Variants in KAT2B observed in about 807,000 individuals in gnomAD.
KAT2B encodes the protein lysine acetyltransferase 2B, also known as histone acetyltransferase KAT2B.
In KAT2B, 36 loss-of-function variants were observed where a neutral mutation model predicts 105.9. The ratio of observed to expected loss-of-function variants is 0.34; its 90% CI spans 0.26 to 0.45. KAT2B has a LOEUF of 0.45. KAT2B is among the 20% of genes least tolerant of loss of function. The pLI is 1.00. For missense variants in KAT2B, 820 were observed against 1,021.6 expected, an observed-to-expected ratio of 0.80 and a Z score of 2.69; for synonymous variants, 397 against 377.9, an observed-to-expected ratio of 1.05 and a Z score of -0.59.
chr3:20,059,348 AG>A (rs1253333862), intron 1 of KAT2B, among the ~76,000 whole-genome samples: 2 of 131,042 alleles, frequency 1.5e-5, no homozygotes, highest in East Asian at 5.0e-4. Flanking sequence ...TGGGAGGCGG[AG>A]GTTGCAGTGA....
chr3:20,071,429 G>T lies in KAT2B; in HGVS notation c.304-904G>T, dbSNP rs925333268. Among the ~76,000 whole-genome samples the T allele has an allele frequency of 3.9e-5, 6 of 152,300 alleles. No individual in the cohort carries two copies. The South Asian group carries it at 6.2e-4, about 16-fold the overall frequency. ...CAGAGTGCTAAGAATAGTAGAGAAGGGGCAGAAGAATTATTTTTATAAGTG... is the reference window on the plus strand; with the variant it reads ...CAGAGTGCTAAGAATAGTAGAGAAGTGGCAGAAGAATTATTTTTATAAGTG... On this transcript the variant is annotated intron_variant, in intron 1 of 17. Transcript: ENST00000263754.
At chr3:20,134,661 C>T (rs987471153) in intron 11 of KAT2B, among the ~76,000 whole-genome samples, 3 of 152,182 alleles carry the variant, frequency 2.0e-5, no homozygotes, top group Admixed American at 6.5e-5. Flanking sequence ...CCCACCTCAG[C>T]CTCCCAAAGT....
intron 1 of KAT2B, among the ~76,000 whole-genome samples, chr3:20,062,359 A>T (rs1296717969): frequency 8.6e-6 from 1 of 116,164 alleles, no homozygotes; most frequent in Non-Finnish European, 1.7e-5. Context: ...AATATATTTT[A>T]TATATAATTT....
At chr3:20,047,350 G>A (rs551744674) in intron 1 of KAT2B, among the ~76,000 whole-genome samples, 1 of 152,256 alleles carries the variant, frequency 6.6e-6, no homozygotes, top group East Asian at 1.9e-4. Flanking sequence ...GGGATTACAG[G>A]CATGAACCAC....
chr3:20,070,539 C>T (rs1490066754), intron 1 of KAT2B, among the ~76,000 whole-genome samples: 5 of 150,542 alleles, frequency 3.3e-5, no homozygotes, highest in African/African-American at 4.9e-5. Flanking sequence ...CTCCTGACCT[C>T]GTGATCCGCC....
At chr3:20,086,855 C>T (rs1176829399) in intron 2 of KAT2B, among the ~76,000 whole-genome samples, 1 of 75,638 alleles carries the variant, frequency 1.3e-5, no homozygotes, top group African/African-American at 8.6e-5. Flanking sequence ...AATCTCAGCT[C>T]ACCACAACCT....
intron 2 of KAT2B, among the ~76,000 whole-genome samples, chr3:20,092,724 A>G (rs1698744551): frequency 6.7e-6 from 1 of 150,362 alleles, no homozygotes; most frequent in African/African-American, 2.5e-5. Context: ...TGTTTTTGAG[A>G]TGGAGTCTCC....
At chr3:20,069,356 T>C (rs75232714) in intron 1 of KAT2B, among the ~76,000 whole-genome samples, 6,548 of 152,138 alleles carry the variant, frequency 0.043, 336 homozygotes, top group East Asian at 0.22. Context: ...AGGTTTGTTA[T>C]GTAGATTCCC....
intron 15 of KAT2B, 111 bp downstream of exon 15, chr3:20,148,110 G>T: frequency 1.5e-6 from 2 of 1,371,052 alleles, no homozygotes. Flanking sequence ...AACAGTTGGT[G>T]GGTTTTGAGT....
At chr3:20,094,693 C>CAT (rs1448075776) in intron 2 of KAT2B, among the ~76,000 whole-genome samples, 4 of 151,972 alleles carry the variant, frequency 2.6e-5, no homozygotes, top group African/African-American at 4.8e-5. Flanking sequence ...TAAAATAGGC[C>CAT]GTGGGGACTT....
chr3:20,054,360 C>T (rs576643237), intron 1 of KAT2B, among the ~76,000 whole-genome samples: 7 of 152,072 alleles, frequency 4.6e-5, no homozygotes, highest in Non-Finnish European at 1.0e-4. Flanking sequence ...AATTCCTGAC[C>T]TCGTGATCCA....
Position 20,130,058 on chromosome 3 carries a change from A to C in KAT2B, c.1749+2509A>C, listed in dbSNP as rs181089554. 8.5e-3 allele frequency among the ~76,000 whole-genome samples: 1,284 copies of C among 151,890 alleles called. 20 individuals carry two copies. The highest frequency in any genetic ancestry group is 0.029 in the African/African-American group (1,219 of 41,396). ...GCAGTGATGTGATCTGCTCACTGCA[A>C]CCTCCGCCTCCTGGGTTCAAGTGAT... On this transcript the variant is annotated intron_variant, in intron 11 of 17. Transcript: ENST00000263754.
chr3:20,092,099 T>C (rs1342705437), intron 2 of KAT2B, among the ~76,000 whole-genome samples: 2 of 152,174 alleles, frequency 1.3e-5, no homozygotes, highest in Non-Finnish European at 2.9e-5. Context: ...TTCTTTAAAG[T>C]ATAGTTCAAG....
intron 1 of KAT2B, among the ~76,000 whole-genome samples, chr3:20,062,272 T>TG: frequency 3.3e-5 from 2 of 60,178 alleles, no homozygotes; most frequent in Non-Finnish European, 7.0e-5. Flanking sequence ...ATATAATATA[T>TG]AATATATAAA....
At chr3:20,048,869 C>T (rs896770968) in intron 1 of KAT2B, among the ~76,000 whole-genome samples, 1 of 152,014 alleles carries the variant, frequency 6.6e-6, no homozygotes, top group African/African-American at 2.4e-5. Flanking sequence ...CTTTGGGCAG[C>T]GCCCCCCTTT....
intron 2 of KAT2B, among the ~76,000 whole-genome samples, chr3:20,077,514 A>G (rs1409977332): frequency 6.6e-6 from 1 of 152,242 alleles, no homozygotes; most frequent in Non-Finnish European, 1.5e-5. Flanking sequence ...CTGAATTGAG[A>G]TATACTGTAA....
chr3:20,072,276 C>G (rs1698337880), intron 1 of KAT2B, 57 bp from the exon 2 acceptor site: 2 of 1,567,884 alleles, frequency 1.3e-6, no homozygotes, highest in African/African-American at 1.4e-5. Flanking sequence ...CATGTAAAAC[C>G]ATCAGTCCAC....
rs948567823 is a variant in KAT2B, at chr3:20,145,573, T to A, written c.2005-743T>A. Among the ~76,000 whole-genome samples, 254 of 143,104 alleles carry A rather than the reference T, an allele frequency of 1.8e-3. No homozygotes were observed. In the East Asian group the frequency reaches 0.023, roughly 13 times the overall value. The allele number at this position is 143,104 out of a possible 152,430, so 93.9% of individuals were successfully genotyped here. A position where few individuals can be genotyped will look rare whatever the true frequency, so the allele number is the denominator to read the frequency against. On this transcript the variant is annotated intron_variant, in intron 13 of 17. Transcript: ENST00000263754. The stretch of plus-strand genomic sequence containing the variant: ...TTTTTAGTTTTTTTTTTTTTTTTTT[T>A]TTTTTTATTAAAGGGATAACCTCAC...
intron 1 of KAT2B, among the ~76,000 whole-genome samples, chr3:20,058,069 A>G (rs1376710263): frequency 6.6e-6 from 1 of 152,086 alleles, no homozygotes; most frequent in Non-Finnish European, 1.5e-5. Flanking sequence ...TTTCCTCATG[A>G]TATGCTTTCC....
Sources: allele counts gnomAD v4.1 joint callset (sites outside exome capture counted in the v4.1 genomes callset), GRCh38; gene constraint gnomAD v4.1.1; transcripts MANE v1.5; gene names NCBI Gene and HGNC (gene_info 2026-07-23, HGNC 2026-07-21).